Variants in RYR2 observed in about 807,000 individuals in gnomAD.
RYR2 encodes the protein cardiac muscle ryanodine receptor-calcium release channel.
In RYR2, 227 loss-of-function variants were observed where a neutral mutation model predicts 601.1. The observed-to-expected ratio is 0.38, with a 90% confidence interval of 0.34 to 0.42. The LOEUF is 0.42. RYR2 is among the 10% of genes least tolerant of loss of function. The probability of loss-of-function intolerance (pLI) is 1.00; values close to 1 mark genes in which losing one functional copy is unlikely to be tolerated. For synonymous variants in RYR2, 2,223 were observed against 2,175.1 expected (o/e 1.02, Z -0.61); for missense variants, 4,646 against 6,156.5 (o/e 0.75, Z 8.21).
intron 10 of RYR2, among the ~76,000 whole-genome samples, chr1:237,394,524 C>T (rs140849483): frequency 9.6e-4 from 146 of 152,330 alleles, no homozygotes; most frequent in South Asian, 3.7e-3. Context: ...CACCTGCCTG[C>T]GGCTCAGCTG....
At chr1:237,454,271 T>C in intron 14 of RYR2, 120 bp from the exon 15 acceptor site, 1 of 998,680 alleles carries the variant, frequency 1.0e-6, no homozygotes. Flanking sequence ...AGGACCTTTC[T>C]GACATGTCCC....
intron 3 of RYR2, 47 bp from the exon 4 acceptor site, chr1:237,355,918 T>G: frequency 6.5e-7 from 1 of 1,527,860 alleles, no homozygotes; most frequent in Non-Finnish European, 8.9e-7. Context: ...GAAACATTGC[T>G]AGGTATTTGT....
At chr1:237,553,372 T>C (rs2148133914) in intron 27 of RYR2, among the ~76,000 whole-genome samples, 1 of 152,132 alleles carries the variant, frequency 6.6e-6, no homozygotes, top group Admixed American at 6.5e-5. Context: ...TCAAAACCTA[T>C]TGAACACATA....
chr1:237,082,155 C>A (rs114703291), intron 1 of RYR2, among the ~76,000 whole-genome samples: 1 of 152,078 alleles, frequency 6.6e-6, no homozygotes, highest in East Asian at 1.9e-4. Context: ...TACTGTGGGA[C>A]AGGTCCTATT....
At chr1:237,148,585 C>CACACAT (rs1553316920) in intron 1 of RYR2, among the ~76,000 whole-genome samples, 5 of 136,606 alleles carry the variant, frequency 3.7e-5, no homozygotes, top group Non-Finnish European at 7.6e-5. Flanking sequence ...TATACACACA[C>CACACAT]ATATATATAT....
At chr1:237,822,551 A>G (rs1662629793) in intron 101 of RYR2, among the ~76,000 whole-genome samples, 1 of 152,178 alleles carries the variant, frequency 6.6e-6, no homozygotes, top group Non-Finnish European at 1.5e-5. Flanking sequence ...AAAAGGAACA[A>G]CCGGTACCAG....
chr1:237,776,316 A>G (rs1009688796), intron 87 of RYR2, among the ~76,000 whole-genome samples: 1 of 152,190 alleles, frequency 6.6e-6, no homozygotes, highest in Non-Finnish European at 1.5e-5. Context: ...TATATCTGGT[A>G]CATTAAATGA....
In RYR2 at chr1:237,112,571, CAAA is replaced by C. The variant is rs11419585; in HGVS notation, c.48+70019_48+70021del. Among the ~76,000 whole-genome samples, 453 of 137,170 alleles carry C rather than the reference CAAA, an allele frequency of 3.3e-3. 1 individual carries two copies. The highest frequency in any genetic ancestry group is 5.5e-3 in the African/African-American group (204 of 37,092). 90.0% of individuals were successfully genotyped at this position (137,170 alleles called of 152,430 possible). On this transcript the variant is annotated intron_variant, in intron 1 of 104. Transcript: ENST00000366574. ...ACCTCTTCTTTCTAAGCTACAACAT[CAAA>C]AAAAAAAAAAAAAAAATTAGCTAAT...
chr1:237,248,282 G>GCCCCCCCCCCCCCCCCCCCCC (rs1171897382), intron 1 of RYR2, among the ~76,000 whole-genome samples: 1 of 14,066 alleles, frequency 7.1e-5, no homozygotes, highest in Non-Finnish European at 1.6e-4. Flanking sequence ...CCGCAACCCC[G>GCCCCCCCCCCCCCCCCCCCCC]CCCCCCCCCC....
chr1:237,350,266 G>A (rs1698647399), intron 3 of RYR2, among the ~76,000 whole-genome samples: 1 of 151,828 alleles, frequency 6.6e-6, no homozygotes, highest in Non-Finnish European at 1.5e-5. Flanking sequence ...AAGAAAGCTG[G>A]TATAACTATG....
intron 27 of RYR2, among the ~76,000 whole-genome samples, chr1:237,559,499 G>C (rs936258679): frequency 2.0e-5 from 3 of 152,110 alleles, no homozygotes; most frequent in Non-Finnish European, 4.4e-5. Flanking sequence ...ACCTGCCTCG[G>C]CCTCCCAAAG....
At chr1:237,692,665 G>A (rs1426623486) in intron 63 of RYR2, among the ~76,000 whole-genome samples, 3 of 151,948 alleles carry the variant, frequency 2.0e-5, no homozygotes, top group Admixed American at 1.3e-4. Context: ...TGTAATTATC[G>A]CCTGAGTAAA....
At chr1:237,361,067 C>T (rs778836140) in intron 4 of RYR2, among the ~76,000 whole-genome samples, 3 of 152,136 alleles carry the variant, frequency 2.0e-5, no homozygotes, top group Non-Finnish European at 2.9e-5. Flanking sequence ...TCTTGCACTC[C>T]TGGGCTCAAG....
Position 237,050,560 on chromosome 1 carries a change from T to G in RYR2, c.48+7991T>G, listed in dbSNP as rs149985002. ...TTTAACATTTTTGGTATTTTAAGAG[T>G]TTTTGCACATTTATTCTGCTTCTAA... On this transcript the variant is annotated intron_variant, in intron 1 of 104. Coordinates refer to ENST00000366574, the MANE Select transcript of RYR2 (RefSeq NM_001035.3). Among the ~76,000 whole-genome samples the G allele has an allele frequency of 4.5e-3, 689 of 152,308 alleles. 6 individuals carry two copies. Among genetic ancestry groups the G allele is most frequent in the African/African-American group, 0.016 (653 of 41,560 alleles).
chr1:237,495,411 C>T (rs542457500), intron 19 of RYR2, among the ~76,000 whole-genome samples: 3 of 152,204 alleles, frequency 2.0e-5, no homozygotes, highest in South Asian at 4.1e-4. Flanking sequence ...TTCTTTCGCT[C>T]CTTTTGAGGA....
chr1:237,331,768 CCTCCCAA>C (rs1696765632), intron 3 of RYR2, among the ~76,000 whole-genome samples: 2 of 151,972 alleles, frequency 1.3e-5, no homozygotes, highest in Non-Finnish European at 1.5e-5. Flanking sequence ...CCCACCTTGG[CCTCCCAA>C]AGTGCTGGGA....
intron 10 of RYR2, among the ~76,000 whole-genome samples, chr1:237,396,246 T>C (rs1174354352): frequency 6.6e-6 from 1 of 152,034 alleles, no homozygotes; most frequent in Non-Finnish European, 1.5e-5. Context: ...GTAGAAAACA[T>C]TTTGAGGACT....
chr1:237,372,174 G>A lies in RYR2; in HGVS notation c.385-2543G>A, dbSNP rs557039285. On this transcript the variant is annotated intron_variant, in intron 6 of 104. Transcript: ENST00000366574. ...CTATTTAATGAAATTCAAAAGTATA[G>A]GATGAGAAGTATAGGAAATACATGG... 2.0e-3 allele frequency among the ~76,000 whole-genome samples: 307 copies of A among 152,262 alleles called. 2 individuals carry two copies. Among genetic ancestry groups the A allele is most frequent in the African/African-American group, 7.2e-3 (298 of 41,538 alleles).
intron 1 of RYR2, among the ~76,000 whole-genome samples, chr1:237,063,506 A>G (rs1290690578): frequency 6.6e-6 from 1 of 152,106 alleles, no homozygotes. Flanking sequence ...TTTTCTGGAA[A>G]TGCGAGTCTG....
Sources: gnomAD v4.1 joint callset for allele counts (sites outside exome capture counted in the v4.1 genomes callset) on GRCh38, gnomAD v4.1.1 for gene constraint, MANE v1.5 for transcripts, NCBI Gene and HGNC (gene_info 2026-07-23, HGNC 2026-07-21) for gene names.